Variants in FRMD8 observed in about 807,000 individuals in gnomAD.
FRMD8 encodes the protein FERM domain-containing protein 8.
In FRMD8, 37 loss-of-function variants were observed where a neutral mutation model predicts 54.2. The observed-to-expected ratio is 0.68, with a 90% CI of 0.53 to 0.90. The LOEUF (loss-of-function observed/expected upper bound fraction) is 0.90, where lower values mean the gene tolerates loss of function less well. Among genes scored for constraint, FRMD8 ranks in the 40% least tolerant of loss-of-function variants. The pLI, the probability that FRMD8 is intolerant of heterozygous loss-of-function variation, is 0.00. For synonymous variants in FRMD8, 246 were observed against 286.9 expected (o/e 0.86, Z 1.44); for missense variants, 585 against 653.7 (o/e 0.89, Z 1.15).
At chr11:65,377,433 G>A in the FRMD8 span, 2 of 1,077,188 alleles carry the variant, frequency 1.9e-6, no homozygotes, top group Non-Finnish European at 2.3e-6. Context: ...CCTGTACGGT[G>A]GGCAGGGCCA....
chr11:65,395,713 G>T (rs1289733363), intron 6 of FRMD8, among the ~76,000 whole-genome samples: 1 of 152,196 alleles, frequency 6.6e-6, no homozygotes, highest in Non-Finnish European at 1.5e-5. Context: ...TGTGCTAGTT[G>T]TAGGTTGGCG....
chr11:65,380,409 C>T, the FRMD8 span: 2 of 930,470 alleles, frequency 2.1e-6, no homozygotes, highest in Non-Finnish European at 3.2e-6. Flanking sequence ...CCAGGCCCCA[C>T]CTGAGGATGC....
Position 65,394,103 on chromosome 11 carries a change from A to G in FRMD8, c.414+4A>G. The G allele has an allele frequency of 1.2e-6, 2 of 1,613,554 alleles. No homozygotes were observed. Among genetic ancestry groups the G allele is most frequent in the Non-Finnish European group, 1.7e-6 (2 of 1,179,648 alleles). ...CCCAAAGCGGCGGGAGCTCCAGGTG[A>G]GGCAGGAGCCCTGGTGGCCCCACCA... On this transcript the variant is annotated splice_donor_region_variant and intron_variant, in intron 5 of 10. Transcript: ENST00000317568.
rs548442173 is a variant in FRMD8 at position 65,396,949 on chromosome 11, C to T, written c.732C>T (p.Gly244=). 4.5e-5 allele frequency: 69 copies of T among 1,525,030 alleles called. No homozygotes were observed. Among genetic ancestry groups the T allele is most frequent in the African/African-American group, 9.7e-5 (7 of 71,902 alleles). The allele number at this position is 1,525,030 out of a possible 1,614,324, so 94.5% of individuals were successfully genotyped here. A position where few individuals can be genotyped will look rare whatever the true frequency, so the allele number is the denominator to read the frequency against. ...AGGTGCAGGAGGTCAGCAGCGACGG[C>T]GGGTGCGAGGCCGCCCTGGGCACCC... ...YRQVQEVSSD[G]GCEAALGTHY... is the part of the protein sequence containing the mutation. The change falls in exon 7 of 11, where the codon GGC becomes GGT. Residue 244 remains glycine (G), a synonymous_variant. Transcript: ENST00000317568.
chr11:65,374,810 A>G, the FRMD8 span, among the ~76,000 whole-genome samples: 1 of 152,072 alleles, frequency 6.6e-6, no homozygotes, highest in Non-Finnish European at 1.5e-5. Flanking sequence ...CTACAAAAAA[A>G]TTAAAAATTA....
upstream of FRMD8, among the ~76,000 whole-genome samples, chr11:65,385,269 C>T (rs1855711991): frequency 6.6e-6 from 1 of 152,200 alleles, no homozygotes; most frequent in East Asian, 1.9e-4. Flanking sequence ...ACTGGACACC[C>T]TTCCCTGCAG....
In FRMD8 at chr11:65,411,497, G is replaced by T; in HGVS notation, c.*137G>T. 3.4e-6 allele frequency: 2 copies of T among 584,144 alleles called. No individual in the cohort carries two copies. The highest frequency in any genetic ancestry group is 2.9e-6 in the Non-Finnish European group (1 of 345,448). 36.2% of individuals were successfully genotyped at this position (584,144 alleles called of 1,614,324 possible). A position where few individuals can be genotyped will look rare whatever the true frequency, so the allele number is the denominator to read the frequency against. The stretch of plus-strand genomic sequence containing the variant: ...TGCCTCAGCAGGTTTCTCAGACCAC[G>T]GAGAAGTGACTTTTGGGCCCGGGGC... On this transcript the variant is annotated 3_prime_UTR_variant, in exon 11 of 11. Coordinates refer to ENST00000317568, the MANE Select transcript of FRMD8 (RefSeq NM_031904.5).
In FRMD8 at chr11:65,412,623, T is replaced by C. The variant is rs2137961404; in HGVS notation, c.*1263T>C. ...GGGTCTCACAGGTGCTTCCTGGGAC[T>C]TCCTGTGGCTGCACAGGGCTTGGCT... On this transcript the variant is annotated 3_prime_UTR_variant, in exon 11 of 11. Transcript: ENST00000317568. 6.6e-6 allele frequency: 1 copy of C among 152,308 alleles called. No individual in the cohort carries two copies. The highest frequency in any genetic ancestry group is 2.4e-5 in the African/African-American group (1 of 41,560). The allele number at this position is 152,308 out of a possible 1,614,324, so 9.4% of individuals were successfully genotyped here.
At chr11:65,395,557 A>G (rs926894263) in intron 6 of FRMD8, among the ~76,000 whole-genome samples, 25 of 152,028 alleles carry the variant, frequency 1.6e-4, no homozygotes, top group African/African-American at 5.1e-4. Context: ...AAAAAAAAGG[A>G]CTGAGCGCTC....
chr11:65,411,290 G>C lies in FRMD8; in HGVS notation c.1325G>C (p.Ser442Thr), dbSNP rs752555450. The C allele has an allele frequency of 2.5e-6, 4 of 1,609,668 alleles. No individual in the cohort carries two copies. The highest frequency in any genetic ancestry group is 1.7e-5 in the Admixed American group (1 of 59,850). Residue 442 changes from serine to threonine, a missense_variant, in exon 11 of 11, where the codon AGC (serine) becomes ACC (threonine). Transcript: ENST00000317568. Reference protein sequence around the residue: ...VKPKRTTSFFSRQLSLGQGSY... With the variant: ...VKPKRTTSFFTRQLSLGQGSY... ...CCGAAGCGCACCACATCCTTCTTCAGCCGGCAGCTGTCCTTGGGCCAGGGG... is the reference window on the plus strand; with the variant it reads ...CCGAAGCGCACCACATCCTTCTTCACCCGGCAGCTGTCCTTGGGCCAGGGG...
Position 65,413,491 on chromosome 11 carries a change from T to G in FRMD8, c.*2131T>G, listed in dbSNP as rs1289614201. On this transcript the variant is annotated 3_prime_UTR_variant, in exon 11 of 11. Coordinates refer to ENST00000317568, the MANE Select transcript of FRMD8 (RefSeq NM_031904.5). The stretch of plus-strand genomic sequence containing the variant: ...TTCTTTGAATGTTCTCATTCTTTTG[T>G]ATCATGTGACTTATTAAAATCAGTT... 1.3e-5 allele frequency: 2 copies of G among 152,266 alleles called. No homozygotes were observed. Among genetic ancestry groups the G allele is most frequent in the Non-Finnish European group, 2.9e-5 (2 of 68,042 alleles). 9.4% of individuals were successfully genotyped at this position (152,266 alleles called of 1,614,324 possible). A position where few individuals can be genotyped will look rare whatever the true frequency, so the allele number is the denominator to read the frequency against.
intron 1 of FRMD8, 40 bp from the exon 2 acceptor site, chr11:65,386,997 C>T (rs200896880): frequency 1.3e-6 from 2 of 1,570,652 alleles, no homozygotes; most frequent in Admixed American, 1.7e-5. Context: ...GCCCCCCATC[C>T]CTGGCTCCCG....
intron 9 of FRMD8, among the ~76,000 whole-genome samples, chr11:65,403,510 C>T (rs759107941): frequency 9.2e-5 from 14 of 152,180 alleles, no homozygotes; most frequent in Non-Finnish European, 1.8e-4. Context: ...TGTGGACAGT[C>T]GTGTGGTCTG....
chr11:65,374,465 C>T, the FRMD8 span, among the ~76,000 whole-genome samples: 3 of 150,488 alleles, frequency 2.0e-5, no homozygotes, highest in Admixed American at 6.7e-5. Flanking sequence ...TGAGCCGAGG[C>T]TGCCTCTCTA....
the FRMD8 span, chr11:65,379,644 G>T: frequency 7.1e-7 from 1 of 1,412,964 alleles, no homozygotes; most frequent in Non-Finnish European, 9.6e-7. Context: ...GCAGCCTCTG[G>T]CTGGAAACTG....
intron 10 of FRMD8, 123 bp from the exon 11 acceptor site, chr11:65,411,119 G>C: frequency 1.4e-6 from 1 of 707,750 alleles, no homozygotes; most frequent in South Asian, 2.0e-5. Context: ...GATGAGGGGA[G>C]CTCAGTCTGA....
chr11:65,370,629 A>G, the FRMD8 span, among the ~76,000 whole-genome samples: 2 of 151,506 alleles, frequency 1.3e-5, no homozygotes, highest in Admixed American at 1.3e-4. Context: ...AAACCCGGGA[A>G]GCAGACATCG....
intron 10 of FRMD8, 94 bp from the exon 11 acceptor site, chr11:65,411,148 C>A: frequency 1.0e-6 from 1 of 981,446 alleles, no homozygotes; most frequent in Non-Finnish European, 1.5e-6. Context: ...TGGAAGGAGC[C>A]GTCGCGCTGG....
At chr11:65,372,967 A>G in the FRMD8 span, among the ~76,000 whole-genome samples, 3,394 of 152,220 alleles carry the variant, frequency 0.022, 127 homozygotes, top group African/African-American at 0.078. Context: ...ATCACAGAGG[A>G]AAGCTGGGGG....
Sources: allele counts gnomAD v4.1 joint callset (sites outside exome capture counted in the v4.1 genomes callset), GRCh38; gene constraint gnomAD v4.1.1; transcripts MANE v1.5; gene names NCBI Gene and HGNC (gene_info 2026-07-23, HGNC 2026-07-21).